The following TOPORS variants were observed in gnomAD, a reference collection of about 807,000 sequenced individuals.
TOPORS encodes TOP1 binding arginine/serine rich protein, E3 ubiquitin ligase.
In TOPORS, 25 loss-of-function variants were observed where a neutral mutation model predicts 81.4. The observed-to-expected ratio is 0.31, with a 90% CI of 0.22 to 0.43. TOPORS has a LOEUF of 0.43. TOPORS is among the 20% of genes least tolerant of loss of function. The pLI, the probability that TOPORS is intolerant of heterozygous loss-of-function variation, is 1.00. For synonymous variants in TOPORS, 473 were observed against 456.6 expected, an observed-to-expected ratio of 1.04 and a Z score of -0.46; for missense variants, 1,101 against 1,267.0, an observed-to-expected ratio of 0.87 and a Z score of 1.99.
At position 32,543,196 on chromosome 9, in the gene TOPORS, G is replaced by A. The variant is rs1318372557; in HGVS notation, c.1329C>T (p.Asp443=). ...CTGTGACAAGTTCTTCATCTGAACT[G>A]TCAGAAGTATTTAAAAGAGAAGACA... ...VTMSSLLNTS[D]SSDEELVTGG... Residue 443 remains aspartate (D), a synonymous_variant, in exon 3 of 3, where the codon GAC becomes GAT. Coordinates refer to ENST00000360538, the MANE Select transcript of TOPORS (RefSeq NM_005802.5). This position sits in a 1 kb window ranked among gnomAD's most constrained non-coding sequence, Gnocchi z 5.6. The A allele has an allele frequency of 1.9e-6, 3 of 1,613,770 alleles. No individual in the cohort carries two copies. Among genetic ancestry groups the A allele is most frequent in the South Asian group, 2.2e-5 (2 of 91,084 alleles).
Position 32,542,176 on chromosome 9 carries a change from C to A in TOPORS, c.2349G>T (p.Gly783=), listed in dbSNP as rs147559581. 3.1e-6 allele frequency: 5 copies of A among 1,614,174 alleles called. No individual in the cohort carries two copies. The highest frequency in any genetic ancestry group is 4.2e-6 in the Non-Finnish European group (5 of 1,180,030). Residue 783 remains glycine, a synonymous_variant, in exon 3 of 3, where the codon GGG becomes GGT. Transcript: ENST00000360538. ...SSNRSRTAST[G]TDRVRNEKPG... ...GCTTTTCATTTCTCACCCGGTCAGTCCCGGTAGATGCAGTCCTTGATCTGT... is the reference window on the plus strand; with the variant it reads ...GCTTTTCATTTCTCACCCGGTCAGTACCGGTAGATGCAGTCCTTGATCTGT...
At chr9:32,551,247 C>G in intron 1 of TOPORS, 1 of 575,682 alleles carries the variant, frequency 1.7e-6, no homozygotes, top group Non-Finnish European at 3.1e-6. Flanking sequence ...CTAACTTACC[C>G]GGAAAACACG....
chr9:32,546,368 C>G (rs548254079), intron 2 of TOPORS, among the ~76,000 whole-genome samples: 1 of 152,198 alleles, frequency 6.6e-6, no homozygotes, highest in East Asian at 1.9e-4. Flanking sequence ...AGGGAAGGAA[C>G]AGAGAAAAGT....
intron 1 of TOPORS, chr9:32,551,215 G>T: frequency 1.7e-6 from 1 of 599,038 alleles, no homozygotes; most frequent in Non-Finnish European, 3.0e-6. Context: ...AGCCACTGGG[G>T]ACACTGACTG....
rs757158120 is a variant in TOPORS, at chr9:32,542,027, T to C, written c.2498A>G (p.Asp833Gly). The C allele has an allele frequency of 9.3e-6, 15 of 1,614,152 alleles. No homozygotes were observed. The highest frequency in any genetic ancestry group is 1.6e-4 in the Middle Eastern group (1 of 6,062). ...SHYQKSSSKL[D>G]GNYKNESDTF... The stretch of plus-strand genomic sequence containing the variant: ...ATCACTCTCATTTTTGTAGTTTCCA[T>C]CCAATTTTGATGAAGATTTTTGGTA... The change falls in exon 3 of 3, where the codon GAT becomes GGT. Residue 833 changes from aspartate (D) to glycine (G), a missense_variant. Coordinates refer to ENST00000360538, the MANE Select transcript of TOPORS (RefSeq NM_005802.5).
Position 32,542,774 on chromosome 9 carries a change from T to C in TOPORS, c.1751A>G (p.Tyr584Cys). 1 of 1,614,086 alleles carries C rather than the reference T, an allele frequency of 6.2e-7. No individual in the cohort carries two copies. Among genetic ancestry groups the C allele is most frequent in the Non-Finnish European group, 8.5e-7 (1 of 1,180,032 alleles). The change falls in exon 3 of 3, where the codon TAT becomes TGT. Residue 584 changes from tyrosine to cysteine, a missense_variant. Transcript: ENST00000360538. ...LNSSVRGDRVYSPYNHRHRKR... is the reference protein window; with the variant it reads ...LNSSVRGDRVCSPYNHRHRKR... ...TCTGTGTCTATGGTTATATGGAGAA[T>C]ATACTCTGTCTCCTCTTACAGATGA...
rs1166651902 is a variant in TOPORS at position 32,543,471 on chromosome 9, T to C, written c.1054A>G (p.Ile352Val). 4 of 1,613,796 alleles carry C rather than the reference T, an allele frequency of 2.5e-6. No individual in the cohort carries two copies. The highest frequency in any genetic ancestry group is 4.5e-5 in the East Asian group (2 of 44,894). ...CGGGCAAAACTGATAAATTCATGTA[T>C]AAAATGCTCAGTTCGATTAAGTAAA... Reference protein sequence around the residue: ...PFLLNRTEHFIHEFISFARSP... With the variant: ...PFLLNRTEHFVHEFISFARSP... Residue 352 changes from isoleucine to valine, a missense_variant, in exon 3 of 3, where the codon ATA becomes GTA. By Grantham distance (29) the Ile-to-Val change is conservative. This residue lies in a region of TOPORS where 69 missense variants were observed against 153.6 expected (regional missense o/e 0.45). Transcript: ENST00000360538. The surrounding 1 kb of genome is among the most constrained non-coding windows in gnomAD (Gnocchi z 5.6).
rs114049768 is a variant in TOPORS at position 32,549,752 on chromosome 9, C to T, written c.198+1022G>A. 5.0e-3 allele frequency among the ~76,000 whole-genome samples: 757 copies of T among 152,060 alleles called. 5 individuals are homozygous for T. Among genetic ancestry groups the T allele is most frequent in the African/African-American group, 0.017 (718 of 41,470 alleles). On this transcript the variant is annotated intron_variant, in intron 2 of 2. Coordinates refer to ENST00000360538, the MANE Select transcript of TOPORS (RefSeq NM_005802.5). The stretch of plus-strand genomic sequence containing the variant: ...AGGCAAAGTGACTAAAAAGGGTTCA[C>T]GAATAGATGAAATAGAAAGATCACC...
intron 2 of TOPORS, among the ~76,000 whole-genome samples, chr9:32,549,521 T>C (rs1277393939): frequency 2.6e-5 from 4 of 152,148 alleles, no homozygotes; most frequent in Non-Finnish European, 4.4e-5. Flanking sequence ...AAAAGGTGGT[T>C]GTGTGACGGG....
chr9:32,541,269 A>G lies in TOPORS; in HGVS notation c.*118T>C. 9.8e-7 allele frequency: 1 copy of G among 1,019,968 alleles called. No homozygotes were observed. The highest frequency in any genetic ancestry group is 2.5e-5 in the Admixed American group (1 of 39,986). The allele number at this position is 1,019,968 out of a possible 1,614,324, so 63.2% of individuals were successfully genotyped here. On this transcript the variant is annotated 3_prime_UTR_variant, in exon 3 of 3. Coordinates refer to ENST00000360538, the MANE Select transcript of TOPORS (RefSeq NM_005802.5). ...CACCAAAAAAAAAATCATTTAAAAT[A>G]TTGTAAGGAGGAAGAGAGTTTTCAC...
chr9:32,548,283 G>A (rs2118975663), intron 2 of TOPORS, among the ~76,000 whole-genome samples: 1 of 151,728 alleles, frequency 6.6e-6, no homozygotes, highest in African/African-American at 2.4e-5. Context: ...CAACACTTTG[G>A]GAGGCTGAGG....
rs1190856085 is a variant in TOPORS, at chr9:32,552,466, G to T, written c.-30C>A. The T allele has an allele frequency of 6.2e-7, 1 of 1,600,306 alleles. No homozygotes were observed. The highest frequency in any genetic ancestry group is 1.1e-5 in the South Asian group (1 of 88,950). ...CCAGTAAGTCGTCGCACGCTGGACT[G>T]GATTTATTCAGTGGTAAGTCCCGGG... On this transcript the variant is annotated 5_prime_UTR_variant, in exon 1 of 3. Coordinates refer to ENST00000360538, the MANE Select transcript of TOPORS (RefSeq NM_005802.5).
Position 32,542,898 on chromosome 9 carries a change from C to T in TOPORS, c.1627G>A (p.Glu543Lys), listed in dbSNP as rs1821090662. The T allele has an allele frequency of 1.2e-6, 2 of 1,614,088 alleles. No homozygotes were observed. The highest frequency in any genetic ancestry group is 1.7e-6 in the Non-Finnish European group (2 of 1,180,010). ...TCACAATGACCTTTATTTATTTGTT[C>T]ATCCTTTCCAAGGACAGAGTGTGGA... Reference protein sequence around the residue: ...SSPHSVLGKDEQINKGHCDSS... With the variant: ...SSPHSVLGKDKQINKGHCDSS... Residue 543 changes from glutamate (E) to lysine (K), a missense_variant, in exon 3 of 3, where the codon GAA (glutamate) becomes AAA (lysine). Physicochemically the swap from Glu to Lys is moderately conservative, Grantham distance 56. This residue lies in a region of TOPORS where 605 missense variants were observed against 636.1 expected (regional missense o/e 0.95). Coordinates refer to ENST00000360538, the MANE Select transcript of TOPORS (RefSeq NM_005802.5).
At position 32,543,235 on chromosome 9, in the gene TOPORS, C is replaced by T; in HGVS notation, c.1290G>A (p.Gln430=). The T allele has an allele frequency of 6.2e-7, 1 of 1,613,604 alleles. No individual in the cohort carries two copies. The highest frequency in any genetic ancestry group is 8.5e-7 in the Non-Finnish European group (1 of 1,180,018). The change falls in exon 3 of 3, where the codon CAG becomes CAA. Residue 430 remains glutamine, a synonymous_variant. Coordinates refer to ENST00000360538, the MANE Select transcript of TOPORS (RefSeq NM_005802.5). The surrounding 1 kb of genome is among the most constrained non-coding windows in gnomAD (Gnocchi z 5.6). Reference sequence around the variant, plus strand: ...AAAGAGAAGACATAGTAACGTGTACCTGCTCTGAGCTTGAGTAAGATGGTC... The same window carrying T: ...AAAGAGAAGACATAGTAACGTGTACTTGCTCTGAGCTTGAGTAAGATGGTC... The part of the protein sequence containing the change: ...TPGPSYSSSE[Q]VHVTMSSLLN...
rs1161452162 is a variant in TOPORS, at chr9:32,543,862, T to C, written c.663A>G (p.Arg221=). The change falls in exon 3 of 3, where the codon AGA becomes AGG. Residue 221 remains arginine, a synonymous_variant. Coordinates refer to ENST00000360538, the MANE Select transcript of TOPORS (RefSeq NM_005802.5). The surrounding 1 kb of genome is among the most constrained non-coding windows in gnomAD (Gnocchi z 5.6). ...ACTGAGGAATTTCAACATCTCTAGG[T>C]CTTGTTGAAATGCCTAACCCTTCAA... is the stretch of plus-strand genomic sequence containing the variant. The part of the protein sequence containing the change: ...VLFEGLGIST[R]PRDVEIPQFM... 6.2e-7 allele frequency: 1 copy of C among 1,614,054 alleles called. No individual in the cohort carries two copies. The highest frequency in any genetic ancestry group is 2.2e-5 in the East Asian group (1 of 44,902).
chr9:32,546,232 T>G (rs1015036193), intron 2 of TOPORS, among the ~76,000 whole-genome samples: 1 of 152,210 alleles, frequency 6.6e-6, no homozygotes, highest in Non-Finnish European at 1.5e-5. Flanking sequence ...AAAACCCTAA[T>G]ACTGCACAAC....
At chr9:32,544,590 T>G (rs1236228162) in intron 2 of TOPORS, among the ~76,000 whole-genome samples, 1 of 152,228 alleles carries the variant, frequency 6.6e-6, no homozygotes, top group Non-Finnish European at 1.5e-5. Context: ...CTCTGTGCTT[T>G]AATTTCATCT....
chr9:32,552,450 C>T lies in TOPORS; in HGVS notation c.-14G>A. On this transcript the variant is annotated 5_prime_UTR_variant, in exon 1 of 3. Coordinates refer to ENST00000360538, the MANE Select transcript of TOPORS (RefSeq NM_005802.5). ...CCTCCTTACCATGAAGCCAGTAAGT[C>T]GTCGCACGCTGGACTGGATTTATTC... 1 of 1,605,612 alleles carries T rather than the reference C, an allele frequency of 6.2e-7. No homozygotes were observed. Among genetic ancestry groups the T allele is most frequent in the Non-Finnish European group, 8.5e-7 (1 of 1,176,430 alleles).
Position 32,542,044 on chromosome 9 carries a change from T to C in TOPORS, c.2481A>G (p.Lys827=), listed in dbSNP as rs1821071995. 1.2e-6 allele frequency: 2 copies of C among 1,614,048 alleles called. No individual in the cohort carries two copies. The highest frequency in any genetic ancestry group is 1.7e-6 in the Non-Finnish European group (2 of 1,180,042). The change falls in exon 3 of 3, where the codon AAA becomes AAG. Residue 827 remains lysine (K), a synonymous_variant. Transcript: ENST00000360538. The stretch of plus-strand genomic sequence containing the variant: ...AGTTTCCATCCAATTTTGATGAAGA[T>C]TTTTGGTAATGACTGTCCTTTGCTT... ...ASKAKDSHYQ[K]SSSKLDGNYK... is the part of the protein sequence containing the mutation.
Sources: allele counts gnomAD v4.1 joint callset (sites outside exome capture counted in the v4.1 genomes callset), GRCh38; gene constraint gnomAD v4.1.1; regional missense constraint gnomAD v4.1.1; non-coding constraint Gnocchi (gnomAD v3.1); transcripts MANE v1.5; gene names NCBI Gene and HGNC (gene_info 2026-07-23, HGNC 2026-07-21).